The following POFUT3 variants were observed in gnomAD, a reference collection of about 807,000 sequenced individuals.
POFUT3 encodes GDP-fucose protein O-fucosyltransferase 3.
chr8:33,364,448 AG>A, the POFUT3 span, among the ~76,000 whole-genome samples: 225 of 152,282 alleles, frequency 1.5e-3, 1 homozygote, highest in African/African-American at 4.5e-3. Context: ...AAAGAAATAA[AG>A]GGTATTCAAT....
the POFUT3 span, among the ~76,000 whole-genome samples, chr8:33,311,306 T>TCTTATGTACAAA: frequency 6.6e-6 from 1 of 152,184 alleles, no homozygotes; most frequent in Non-Finnish European, 1.5e-5. Context: ...GAGGTCACAA[T>TCTTATGTACAAA]CTTATGTACA....
the POFUT3 span, among the ~76,000 whole-genome samples, chr8:33,463,293 C>A: frequency 6.6e-6 from 1 of 152,052 alleles, no homozygotes; most frequent in African/African-American, 2.4e-5. Flanking sequence ...TCACTTAAGG[C>A]AAGGAGTTCA....
the POFUT3 span, among the ~76,000 whole-genome samples, chr8:33,369,835 T>C: frequency 2.6e-5 from 4 of 152,108 alleles, no homozygotes; most frequent in Admixed American, 6.6e-5. Flanking sequence ...TGACCCCAAC[T>C]GATATTCTGG....
chr8:33,327,056 G>A, the POFUT3 span, among the ~76,000 whole-genome samples: 752 of 152,280 alleles, frequency 4.9e-3, 8 homozygotes, highest in African/African-American at 0.017. Flanking sequence ...GGGATTACAG[G>A]TGTGAACCAC....
the POFUT3 span, among the ~76,000 whole-genome samples, chr8:33,451,512 G>A: frequency 6.6e-6 from 1 of 151,996 alleles, no homozygotes; most frequent in South Asian, 2.1e-4. Context: ...ATGTATATGT[G>A]TGTACATATG....
chr8:33,463,137 A>T, the POFUT3 span, among the ~76,000 whole-genome samples: 1 of 152,110 alleles, frequency 6.6e-6, no homozygotes, highest in Non-Finnish European at 1.5e-5. Flanking sequence ...TGACATACAG[A>T]GTTAAAGATA....
the POFUT3 span, among the ~76,000 whole-genome samples, chr8:33,407,484 T>C: frequency 6.6e-6 from 1 of 152,212 alleles, no homozygotes. Context: ...TAAATGCTGG[T>C]GATGTTAAAT....
At chr8:33,329,648 C>T in the POFUT3 span, among the ~76,000 whole-genome samples, 5 of 152,128 alleles carry the variant, frequency 3.3e-5, no homozygotes, top group East Asian at 1.9e-4. Context: ...AAGAGAGAGG[C>T]GCTTCCCCTT....
At chr8:33,368,148 C>A in the POFUT3 span, among the ~76,000 whole-genome samples, 5 of 152,048 alleles carry the variant, frequency 3.3e-5, no homozygotes, top group African/African-American at 4.8e-5. Flanking sequence ...TACAAAGGGG[C>A]AAGGGTATAT....
chr8:33,363,447 C>T, the POFUT3 span, among the ~76,000 whole-genome samples: 1 of 152,044 alleles, frequency 6.6e-6, no homozygotes, highest in African/African-American at 2.4e-5. Flanking sequence ...GATAGAGACA[C>T]AAAAAACCCT....
the POFUT3 span, among the ~76,000 whole-genome samples, chr8:33,453,718 G>A: frequency 6.6e-6 from 1 of 152,232 alleles, no homozygotes; most frequent in East Asian, 1.9e-4. Context: ...GGGCAAGGTG[G>A]AAGGATCACT....
the POFUT3 span, among the ~76,000 whole-genome samples, chr8:33,388,317 ATAAGCAGAACTCTTTTTT>A: frequency 2.0e-5 from 3 of 146,560 alleles, no homozygotes; most frequent in Admixed American, 6.8e-5. Context: ...GACCATGTGG[ATAAGCAGAACTCTTTTTT>A]TTTTTTTTTT....
the POFUT3 span, among the ~76,000 whole-genome samples, chr8:33,466,589 C>T: frequency 6.6e-6 from 1 of 152,040 alleles, no homozygotes; most frequent in Non-Finnish European, 1.5e-5. Flanking sequence ...AGCATACAAC[C>T]ATTATCCAGG....
chr8:33,312,170 G>A, the POFUT3 span, among the ~76,000 whole-genome samples: 1 of 151,974 alleles, frequency 6.6e-6, no homozygotes, highest in African/African-American at 2.4e-5. Flanking sequence ...GCTGAGGCAG[G>A]AGAATTGTTT....
the POFUT3 span, among the ~76,000 whole-genome samples, chr8:33,442,281 T>C: frequency 7.8e-6 from 1 of 128,704 alleles, no homozygotes; most frequent in African/African-American, 3.0e-5. Flanking sequence ...GTCACTTCTT[T>C]TTCTTTCTCT....
At chr8:33,414,687 A>C in the POFUT3 span, among the ~76,000 whole-genome samples, 11 of 152,286 alleles carry the variant, frequency 7.2e-5, no homozygotes, top group African/African-American at 2.4e-4. Flanking sequence ...CAAATAGCAT[A>C]AAGTTCTGTG....
At chr8:33,388,610 T>A in the POFUT3 span, among the ~76,000 whole-genome samples, 7 of 152,242 alleles carry the variant, frequency 4.6e-5, no homozygotes, top group South Asian at 4.1e-4. Context: ...GTGCTCCAAT[T>A]ACAGGCGTGA....
At chr8:33,379,005 C>A in the POFUT3 span, among the ~76,000 whole-genome samples, 1 of 152,040 alleles carries the variant, frequency 6.6e-6, no homozygotes, top group South Asian at 2.1e-4. Context: ...GGGGTGATCT[C>A]CCCCATGCTG....
chr8:33,452,357 T>A, the POFUT3 span: 3 of 152,172 alleles, frequency 2.0e-5, no homozygotes, highest in African/African-American at 7.2e-5. Flanking sequence ...ACTGAATTTC[T>A]ATATTACACT....
Sources: allele counts gnomAD v4.1 joint callset (sites outside exome capture counted in the v4.1 genomes callset), GRCh38; gene constraint gnomAD v4.1.1; transcripts MANE v1.5; gene names NCBI Gene and HGNC (gene_info 2026-07-23, HGNC 2026-07-21).